MTMR12: variants seen among roughly 807,000 people sequenced by gnomAD.
MTMR12 encodes myotubularin related protein 12.
A neutral mutation model predicts 96.7 loss-of-function variants in MTMR12; 33 were observed. The observed-to-expected ratio is 0.34, with a 90% confidence interval of 0.26 to 0.46. The LOEUF (loss-of-function observed/expected upper bound fraction) is 0.46. MTMR12 is among the 20% of genes least tolerant of loss of function. MTMR12 has a pLI of 1.00. For missense variants in MTMR12, 721 were observed against 896.1 expected (o/e 0.80, Z 2.49); for synonymous variants, 298 against 327.2 (o/e 0.91, Z 0.96).
intron 4 of MTMR12, among the ~76,000 whole-genome samples, chr5:32,271,475 A>C (rs984969002): frequency 6.6e-6 from 1 of 152,268 alleles, no homozygotes; most frequent in Admixed American, 6.5e-5. Context: ...AGGCTTGTTT[A>C]GTCAGCAGAA....
intron 1 of MTMR12, among the ~76,000 whole-genome samples, chr5:32,282,352 C>T (rs1214619565): frequency 6.6e-6 from 1 of 151,426 alleles, no homozygotes; most frequent in Non-Finnish European, 1.5e-5. Flanking sequence ...GCCCGGGAGG[C>T]GGGGCTTACA....
chr5:32,261,397 C>T (rs987331840), intron 7 of MTMR12, among the ~76,000 whole-genome samples: 37 of 152,106 alleles, frequency 2.4e-4, no homozygotes, highest in African/African-American at 8.9e-4. Flanking sequence ...GCTCTTACTC[C>T]TCCCTCCACC....
Position 32,229,856 on chromosome 5 carries a change from G to A in MTMR12, c.2166C>T (p.Thr722=). 1 of 1,605,124 alleles carries A rather than the reference G, an allele frequency of 6.2e-7. No individual in the cohort carries two copies. The highest frequency in any genetic ancestry group is 8.5e-7 in the Non-Finnish European group (1 of 1,175,734). ...CATCTCCCAAAGCTTTCCAGCCACT[G>A]GTGGGTAAGACGGGCTTAGAGGAAT... ...QRHSSKPVLP[T]SGWKALGDED... is the part of the protein sequence containing the mutation. The change falls in exon 16 of 16, where the codon ACC becomes ACT. Residue 722 remains threonine, a synonymous_variant. Coordinates refer to ENST00000382142, the MANE Select transcript of MTMR12 (RefSeq NM_001040446.3).
At chr5:32,305,093 C>T (rs1273527487) in intron 1 of MTMR12, among the ~76,000 whole-genome samples, 2 of 151,942 alleles carry the variant, frequency 1.3e-5, no homozygotes, top group Non-Finnish European at 2.9e-5. Flanking sequence ...GCTATGAATT[C>T]TTTCTTTTTT....
intron 1 of MTMR12, among the ~76,000 whole-genome samples, chr5:32,284,426 C>T (rs939711972): frequency 4.6e-5 from 7 of 151,364 alleles, no homozygotes; most frequent in African/African-American, 7.3e-5. Context: ...TACTGAAAAA[C>T]GGAGGATTCC....
At chr5:32,299,675 A>G (rs1281148527) in intron 1 of MTMR12, among the ~76,000 whole-genome samples, 1 of 152,212 alleles carries the variant, frequency 6.6e-6, no homozygotes, top group Non-Finnish European at 1.5e-5. Flanking sequence ...GATCTATGGT[A>G]CAGCAGCATG....
At chr5:32,305,696 G>A (rs1002603926) in intron 1 of MTMR12, among the ~76,000 whole-genome samples, 1 of 152,152 alleles carries the variant, frequency 6.6e-6, no homozygotes, top group African/African-American at 2.4e-5. Flanking sequence ...CTGAGGTTGG[G>A]AGTTCGAGAC....
Position 32,242,055 on chromosome 5 carries a change from A to G in MTMR12, c.1171+2T>C. 1 of 1,608,192 alleles carries G rather than the reference A, an allele frequency of 6.2e-7. No individual in the cohort carries two copies. Among genetic ancestry groups the G allele is most frequent in the Non-Finnish European group, 8.5e-7 (1 of 1,175,318 alleles). Reference sequence around the variant, plus strand: ...TCATCCTTTGTGCTTCCTATATATTACCTAAAAGAAGAACATTCATGTTTT... The same window carrying G: ...TCATCCTTTGTGCTTCCTATATATTGCCTAAAAGAAGAACATTCATGTTTT... On this transcript the variant is annotated splice_donor_variant, in intron 12 of 15. Transcript: ENST00000382142. LOFTEE classifies it high-confidence loss of function.
chr5:32,242,201 G>C, intron 11 of MTMR12, 74 bp from the exon 12 acceptor site: 1 of 1,080,514 alleles, frequency 9.3e-7, no homozygotes, highest in Non-Finnish European at 1.4e-6. Flanking sequence ...GTAGTTGAGA[G>C]AGAGTCTGAC....
intron 1 of MTMR12, among the ~76,000 whole-genome samples, chr5:32,297,710 C>T (rs1027252505): frequency 6.6e-6 from 1 of 152,134 alleles, no homozygotes; most frequent in Non-Finnish European, 1.5e-5. Flanking sequence ...ATTCACTAGG[C>T]CTTTAAACAA....
intron 7 of MTMR12, among the ~76,000 whole-genome samples, chr5:32,257,731 C>A (rs1749195624): frequency 6.6e-6 from 1 of 151,810 alleles, no homozygotes; most frequent in Non-Finnish European, 1.5e-5. Context: ...TTGCGCCACT[C>A]TACTCTAGCC....
chr5:32,274,491 C>T (rs992923755), intron 2 of MTMR12, among the ~76,000 whole-genome samples: 3 of 152,098 alleles, frequency 2.0e-5, no homozygotes, highest in Non-Finnish European at 4.4e-5. Flanking sequence ...GAAGCAATAC[C>T]CTAAGTGAAC....
chr5:32,265,872 T>G (rs1749570218), intron 6 of MTMR12, among the ~76,000 whole-genome samples: 1 of 152,226 alleles, frequency 6.6e-6, no homozygotes, highest in Admixed American at 6.5e-5. Flanking sequence ...AGAGGTTTTC[T>G]TATTTTAACA....
At chr5:32,276,081 T>C (rs146709787) in intron 2 of MTMR12, among the ~76,000 whole-genome samples, 232 of 152,348 alleles carry the variant, frequency 1.5e-3, no homozygotes, top group African/African-American at 5.1e-3. Flanking sequence ...ATGGAGAGGA[T>C]ACACCACCAA....
At chr5:32,282,299 G>A (rs1170412390) in intron 1 of MTMR12, among the ~76,000 whole-genome samples, 1 of 151,804 alleles carries the variant, frequency 6.6e-6, no homozygotes, top group Non-Finnish European at 1.5e-5. Flanking sequence ...GCGGGTGCCT[G>A]TAGTCCAGCT....
At chr5:32,293,807 C>T (rs1196880602) in intron 1 of MTMR12, among the ~76,000 whole-genome samples, 1 of 152,182 alleles carries the variant, frequency 6.6e-6, no homozygotes, top group Admixed American at 6.5e-5. Flanking sequence ...ACCTCAACAG[C>T]CTCCTGGCCA....
intron 10 of MTMR12, chr5:32,247,579 T>G (rs1748741059): frequency 3.7e-6 from 1 of 267,194 alleles, no homozygotes. Context: ...AACTGTATAT[T>G]CCCAATCAGG....
intron 7 of MTMR12, among the ~76,000 whole-genome samples, chr5:32,258,273 G>T (rs1238032868): frequency 6.6e-6 from 1 of 152,210 alleles, no homozygotes; most frequent in Non-Finnish European, 1.5e-5. Context: ...TTTGCCTTCT[G>T]AAGTTCTGAA....
chr5:32,257,946 A>C (rs1749206424), intron 7 of MTMR12, among the ~76,000 whole-genome samples: 2 of 152,096 alleles, frequency 1.3e-5, no homozygotes, highest in Admixed American at 6.6e-5. Flanking sequence ...TGTAGATATA[A>C]GTTTTTTGTA....
Sources: gnomAD v4.1 joint callset for allele counts (sites outside exome capture counted in the v4.1 genomes callset) on GRCh38, gnomAD v4.1.1 for gene constraint, MANE v1.5 for transcripts, NCBI Gene and HGNC (gene_info 2026-07-23, HGNC 2026-07-21) for gene names.